Variants in SUSD4 observed in about 807,000 individuals in gnomAD.
SUSD4 encodes the protein sushi domain containing 4, also known as sushi domain-containing protein 4.
Under a neutral mutation model 50.5 loss-of-function variants are expected in SUSD4, and 41 were observed. That is an observed-to-expected ratio of 0.81 (90% CI 0.63 to 1.05). SUSD4 has a LOEUF of 1.05. Ranked by LOEUF, SUSD4 falls within the 50% of genes least tolerant of loss-of-function variation. The probability of loss-of-function intolerance (pLI) is 0.00; values close to 1 mark genes in which losing one functional copy is unlikely to be tolerated. For synonymous variants in SUSD4, 257 were observed against 257.3 expected, an observed-to-expected ratio of 1.00 and a Z score of 0.01; for missense variants, 580 against 634.7, an observed-to-expected ratio of 0.91 and a Z score of 0.93.
At chr1:223,234,917 T>A in intron 5 of SUSD4, 1 of 1,561,834 alleles carries the variant, frequency 6.4e-7, no homozygotes, top group Non-Finnish European at 8.6e-7. Flanking sequence ...ATGGAATGTT[T>A]AATTCAAACG....
chr1:223,351,026 A>T (rs1461059444), intron 2 of SUSD4, among the ~76,000 whole-genome samples: 1 of 151,986 alleles, frequency 6.6e-6, no homozygotes, highest in African/African-American at 2.4e-5. Flanking sequence ...CATAATAGGC[A>T]TTCTTCTGTG....
At chr1:223,358,315 C>A (rs1380292970) in intron 2 of SUSD4, among the ~76,000 whole-genome samples, 1 of 152,246 alleles carries the variant, frequency 6.6e-6, no homozygotes, top group East Asian at 1.9e-4. Context: ...TAGAATCCAT[C>A]AAATTCCTGT....
rs1219378923 is a variant in SUSD4 at position 223,268,515 on chromosome 1, C to G, written c.522G>C (p.Leu174=). ...LCRDDGTWNN[L]PICQGCLRPL... Reference sequence around the variant, plus strand: ...TCAGTCCCGTACCTTGACAGATGGGCAGATTATTCCACGTTCCATCATCGC... The same window carrying G: ...TCAGTCCCGTACCTTGACAGATGGGGAGATTATTCCACGTTCCATCATCGC... Residue 174 remains leucine (L), a synonymous_variant, in exon 4 of 9, where the codon CTG becomes CTC. Transcript: ENST00000366878. The G allele has an allele frequency of 6.2e-7, 1 of 1,613,294 alleles. No individual in the cohort carries two copies.
At chr1:223,273,054 G>A (rs538938745) in intron 3 of SUSD4, among the ~76,000 whole-genome samples, 1 of 152,270 alleles carries the variant, frequency 6.6e-6, no homozygotes, top group African/African-American at 2.4e-5. Context: ...GGGCCCCTGA[G>A]GAAATGACAT....
At chr1:223,228,408 A>G (rs1659669671) in intron 6 of SUSD4, among the ~76,000 whole-genome samples, 2 of 152,212 alleles carry the variant, frequency 1.3e-5, no homozygotes, top group African/African-American at 4.8e-5. Context: ...GAGACCTGGC[A>G]TTAACAAGTG....
intron 5 of SUSD4, among the ~76,000 whole-genome samples, chr1:223,260,660 C>A: frequency 6.6e-6 from 1 of 152,214 alleles, no homozygotes; most frequent in East Asian, 1.9e-4. Context: ...TTACAGCCAT[C>A]ATTCTGGTTC....
chr1:223,309,463 TCTA>T (rs1329207150), intron 2 of SUSD4, among the ~76,000 whole-genome samples: 5 of 152,164 alleles, frequency 3.3e-5, no homozygotes, highest in African/African-American at 1.2e-4. Context: ...CTCTCTAGGT[TCTA>T]CTCGCAGGTC....
At chr1:223,280,335 G>C (rs1663616359) in intron 3 of SUSD4, among the ~76,000 whole-genome samples, 1 of 152,118 alleles carries the variant, frequency 6.6e-6, no homozygotes, top group Admixed American at 6.6e-5. Context: ...CTGTATTCAG[G>C]AGACCCATCT....
chr1:223,328,351 G>A (rs192975377), intron 2 of SUSD4, among the ~76,000 whole-genome samples: 10 of 152,298 alleles, frequency 6.6e-5, no homozygotes, highest in African/African-American at 1.9e-4. Context: ...TCTCACAGTA[G>A]GTGGCAGAGC....
chr1:223,254,076 C>T (rs969566519), intron 5 of SUSD4, among the ~76,000 whole-genome samples: 1 of 152,234 alleles, frequency 6.6e-6, no homozygotes, highest in Non-Finnish European at 1.5e-5. Flanking sequence ...TCTCCACCCC[C>T]TGCTCCAAAC....
Position 223,255,372 on chromosome 1 carries a change from G to C in SUSD4, c.724+9258C>G, listed in dbSNP as rs532241392. On this transcript the variant is annotated intron_variant, in intron 5 of 8. Transcript: ENST00000366878. The stretch of plus-strand genomic sequence containing the variant: ...GAAGGCTGGGAGTCTAAAGAGGTTG[G>C]GGGGTGGGAGGTTTCTATGACCCAA... Among the ~76,000 whole-genome samples, 6 of 152,276 alleles carry C rather than the reference G, an allele frequency of 3.9e-5. No individual in the cohort carries two copies. In the South Asian group the frequency reaches 6.2e-4, roughly 16 times the overall value.
intron 2 of SUSD4, among the ~76,000 whole-genome samples, chr1:223,328,174 G>A (rs1006475690): frequency 6.6e-6 from 1 of 152,026 alleles, no homozygotes; most frequent in African/African-American, 2.4e-5. Context: ...ATGTCAACAT[G>A]TCCAAGCATG....
intron 5 of SUSD4, among the ~76,000 whole-genome samples, chr1:223,245,707 G>C (rs1011047371): frequency 6.6e-6 from 1 of 152,254 alleles, no homozygotes; most frequent in African/African-American, 2.4e-5. Flanking sequence ...AGGACTGCCA[G>C]GAAGTGGCTA....
chr1:223,346,896 A>G (rs1286721003), intron 2 of SUSD4, among the ~76,000 whole-genome samples: 8 of 152,142 alleles, frequency 5.3e-5, no homozygotes, highest in Admixed American at 5.2e-4. Context: ...CCATGAACCT[A>G]TCTTATGCTT....
At chr1:223,330,879 T>C (rs1667135120) in intron 2 of SUSD4, among the ~76,000 whole-genome samples, 1 of 152,244 alleles carries the variant, frequency 6.6e-6, no homozygotes, top group Admixed American at 6.5e-5. Context: ...ATCACAGAAG[T>C]ATTCACCTAT....
intron 5 of SUSD4, among the ~76,000 whole-genome samples, chr1:223,252,603 T>C (rs192857054): frequency 2.6e-5 from 4 of 152,312 alleles, no homozygotes; most frequent in Admixed American, 2.6e-4. Flanking sequence ...CAAAATAATT[T>C]CCATCAGAAT....
At chr1:223,361,222 C>T (rs377215249) in intron 2 of SUSD4, among the ~76,000 whole-genome samples, 16 of 152,116 alleles carry the variant, frequency 1.1e-4, no homozygotes, top group African/African-American at 3.4e-4. Context: ...AAGAAAATCT[C>T]TGTATAATGA....
intron 2 of SUSD4, among the ~76,000 whole-genome samples, chr1:223,338,357 G>C (rs1667569572): frequency 6.6e-6 from 1 of 152,150 alleles, no homozygotes; most frequent in African/African-American, 2.4e-5. Flanking sequence ...GGAACCTTCA[G>C]CCATTTAGTA....
In SUSD4 at chr1:223,262,143, A is replaced by C. The variant is rs367545636; in HGVS notation, c.724+2487T>G. Among the ~76,000 whole-genome samples the C allele has an allele frequency of 4.6e-5, 7 of 152,336 alleles. No individual in the cohort carries two copies. The East Asian group carries it at 1.4e-3, about 29-fold the overall frequency. ...TTGGGGGTGAGGGACAGCTGCAGCG[A>C]CAGGTACCCTGAGTGTGACAGGCAC... On this transcript the variant is annotated intron_variant, in intron 5 of 8. Coordinates refer to ENST00000366878, the MANE Select transcript of SUSD4 (RefSeq NM_017982.4).
Sources: allele counts gnomAD v4.1 joint callset (sites outside exome capture counted in the v4.1 genomes callset), GRCh38; gene constraint gnomAD v4.1.1; transcripts MANE v1.5; gene names NCBI Gene and HGNC (gene_info 2026-07-23, HGNC 2026-07-21).